ABCB1: variants seen among roughly 807,000 people sequenced by gnomAD.
ABCB1 encodes ATP-dependent translocase ABCB1.
In ABCB1, 69 loss-of-function variants were observed where a neutral mutation model predicts 142.0. The observed-to-expected ratio is 0.49, with a 90% CI of 0.40 to 0.59. ABCB1 has a LOEUF of 0.59. Among genes scored for constraint, ABCB1 ranks in the 20% least tolerant of loss-of-function variants. ABCB1 has a pLI of 0.00. For synonymous variants in ABCB1, 532 were observed against 539.2 expected (o/e 0.99, Z 0.18); for missense variants, 1,326 against 1,554.7 (o/e 0.85, Z 2.47).
chr7:87,517,748 C>T (rs1815315897), intron 23 of ABCB1, among the ~76,000 whole-genome samples: 2 of 152,150 alleles, frequency 1.3e-5, no homozygotes, highest in Admixed American at 1.3e-4. Context: ...TCTTAAGATG[C>T]ATTGACGTTC....
intron 19 of ABCB1, among the ~76,000 whole-genome samples, chr7:87,537,434 G>A (rs1021546579): frequency 6.6e-6 from 1 of 152,216 alleles, no homozygotes; most frequent in Non-Finnish European, 1.5e-5. Flanking sequence ...GGATAAAAAT[G>A]GAGGTAGGGA....
At chr7:87,617,330 A>G (rs192098715) in intron 1 of ABCB1, among the ~76,000 whole-genome samples, 62 of 152,358 alleles carry the variant, frequency 4.1e-4, no homozygotes, top group Non-Finnish European at 7.8e-4. Context: ...AAAGTCCCAG[A>G]AAACCAAAAC....
At chr7:87,686,499 G>C (rs541283988) in intron 1 of ABCB1, among the ~76,000 whole-genome samples, 1 of 152,110 alleles carries the variant, frequency 6.6e-6, no homozygotes, top group Non-Finnish European at 1.5e-5. Context: ...ATTATTTATG[G>C]ACTGACTGGT....
At position 87,620,523 on chromosome 7, in the gene ABCB1, C is replaced by T. The variant is rs904999065; in HGVS notation, c.-330-19445G>A. Among the ~76,000 whole-genome samples the T allele has an allele frequency of 5.9e-5, 9 of 152,040 alleles. No homozygotes were observed. The East Asian group carries it at 1.5e-3, about 26-fold the overall frequency. ...TTTCTAAAGAGTTTGCATTTGAATC[C>T]GTTGCATGAGATAATTTACAGAAAA... On this transcript the variant is annotated intron_variant, in intron 1 of 28. Transcript: ENST00000265724.
intron 26 of ABCB1, among the ~76,000 whole-genome samples, chr7:87,506,768 C>G (rs771771697): frequency 6.6e-6 from 1 of 152,176 alleles, no homozygotes; most frequent in Non-Finnish European, 1.5e-5. Context: ...GAAAACAATA[C>G]TATCTTATTA....
At chr7:87,520,164 T>A (rs1437806994) in intron 22 of ABCB1, among the ~76,000 whole-genome samples, 3 of 152,178 alleles carry the variant, frequency 2.0e-5, no homozygotes, top group African/African-American at 7.2e-5. Context: ...TTTACCTTCA[T>A]CACATATGAA....
At chr7:87,553,958 C>A (rs750292390) in intron 8 of ABCB1, 26 bp from the exon 9 acceptor site, 7 of 1,585,988 alleles carry the variant, frequency 4.4e-6, no homozygotes, top group Non-Finnish European at 6.1e-6. Flanking sequence ...AAAATGATCA[C>A]ATATACATTT....
Position 87,566,901 on chromosome 7 carries a change from C to G in ABCB1, c.414G>C (p.Leu138=). The change falls in exon 6 of 28, where the codon CTG becomes CTC. Residue 138 remains leucine (L), a synonymous_variant. Coordinates refer to ENST00000622132, the MANE Select transcript of ABCB1 (RefSeq NM_001348946.2). ...TTTTGTGTATTTGTCTTCCAGCTGC[C>G]AGGCACCAAAATGAAACCTGAATGT... The part of the protein sequence containing the change: ...AAYIQVSFWC[L]AAGRQIHKIR... The G allele has an allele frequency of 6.2e-7, 1 of 1,614,104 alleles. No individual in the cohort carries two copies.
At chr7:87,706,822 A>G (rs1447482065) in intron 1 of ABCB1, among the ~76,000 whole-genome samples, 4 of 152,154 alleles carry the variant, frequency 2.6e-5, no homozygotes, top group Admixed American at 2.6e-4. Context: ...GTTGTTGCCA[A>G]CTCTAAGTCA....
intron 4 of ABCB1, among the ~76,000 whole-genome samples, chr7:87,582,216 TA>T (rs1192208263): frequency 6.6e-6 from 1 of 152,170 alleles, no homozygotes; most frequent in Non-Finnish European, 1.5e-5. Flanking sequence ...CTTACTTATT[TA>T]ATCTTTATTT....
intron 1 of ABCB1, chr7:87,651,088 C>T: frequency 1.7e-6 from 1 of 575,110 alleles, no homozygotes; most frequent in South Asian, 2.2e-5. Context: ...TACGAAAGAG[C>T]CTCTGTTCTC....
intron 1 of ABCB1, among the ~76,000 whole-genome samples, chr7:87,649,388 G>A (rs901434089): frequency 1.3e-5 from 2 of 152,186 alleles, no homozygotes; most frequent in Admixed American, 6.5e-5. Flanking sequence ...TTCAGAAAGC[G>A]TGGTTCTGCC....
At chr7:87,710,867 G>T (rs1242885256) in intron 1 of ABCB1, among the ~76,000 whole-genome samples, 1 of 151,940 alleles carries the variant, frequency 6.6e-6, no homozygotes, top group Non-Finnish European at 1.5e-5. Context: ...TACACATTAC[G>T]CCTGGAATAT....
At chr7:87,671,130 C>T (rs1160469802) in intron 1 of ABCB1, among the ~76,000 whole-genome samples, 14 of 152,096 alleles carry the variant, frequency 9.2e-5, no homozygotes, top group Admixed American at 9.2e-4. Flanking sequence ...AGGGTCTGTA[C>T]TGTGGCCCCA....
intron 1 of ABCB1, among the ~76,000 whole-genome samples, chr7:87,612,633 T>G (rs1819892255): frequency 6.6e-6 from 1 of 152,196 alleles, no homozygotes; most frequent in Non-Finnish European, 1.5e-5. Context: ...TCTACTTTTA[T>G]ACCAGTACCA....
intron 3 of ABCB1, among the ~76,000 whole-genome samples, chr7:87,593,206 C>T (rs992273942): frequency 3.9e-5 from 6 of 152,100 alleles, no homozygotes; most frequent in African/African-American, 9.7e-5. Flanking sequence ...GGATTACAGG[C>T]GTGAGCCACA....
chr7:87,568,267 A>AATAATAAT (rs775493469), intron 5 of ABCB1, among the ~76,000 whole-genome samples: 2 of 100,404 alleles, frequency 2.0e-5, no homozygotes, highest in African/African-American at 5.5e-5. Flanking sequence ...TAATAATAAT[A>AATAATAAT]AAAATTAGCC....
At chr7:87,551,172 C>A (rs543138316) in intron 9 of ABCB1, among the ~76,000 whole-genome samples, 2 of 152,218 alleles carry the variant, frequency 1.3e-5, no homozygotes, top group Non-Finnish European at 2.9e-5. Context: ...CAAGCATGCA[C>A]CATCACACCT....
chr7:87,636,126 A>G (rs1821743233), intron 1 of ABCB1, among the ~76,000 whole-genome samples: 1 of 152,220 alleles, frequency 6.6e-6, no homozygotes, highest in Admixed American at 6.5e-5. Flanking sequence ...GTCATATGGC[A>G]TGCAGATATT....
Sources: gnomAD v4.1 joint callset for allele counts (sites outside exome capture counted in the v4.1 genomes callset) on GRCh38, gnomAD v4.1.1 for gene constraint, MANE v1.5 for transcripts, NCBI Gene and HGNC (gene_info 2026-07-23, HGNC 2026-07-21) for gene names.